The following ALMS1 variants were observed in gnomAD, a reference collection of about 807,000 sequenced individuals.
ALMS1 encodes ALMS1 centrosome and basal body associated protein.
In ALMS1, 271 loss-of-function variants were observed where a neutral mutation model predicts 352.2. The observed-to-expected ratio is 0.77, with a 90% CI of 0.70 to 0.85. ALMS1 has a LOEUF of 0.85. ALMS1 is among the 40% of genes least tolerant of loss of function. ALMS1 has a pLI of 0.00. For missense variants in ALMS1, 5,445 were observed against 4,870.7 expected (o/e 1.12, Z -3.51); for synonymous variants, 1,865 against 1,761.2 (o/e 1.06, Z -1.48).
At chr2:73,395,060 G>GTATATATA (rs755110782) in intron 1 of ALMS1, among the ~76,000 whole-genome samples, 1 of 92,708 alleles carries the variant, frequency 1.1e-5, no homozygotes, top group Admixed American at 1.1e-4. Context: ...ATATATATGT[G>GTATATATA]TATATATATA....
chr2:73,399,910 T>G (rs531356729), intron 1 of ALMS1, among the ~76,000 whole-genome samples: 24 of 152,012 alleles, frequency 1.6e-4, no homozygotes, highest in African/African-American at 5.5e-4. Flanking sequence ...TTCTAAAGCT[T>G]GTCAACATGA....
At chr2:73,434,793 T>C (rs1671575363) in intron 7 of ALMS1, among the ~76,000 whole-genome samples, 1 of 152,222 alleles carries the variant, frequency 6.6e-6, no homozygotes, top group Non-Finnish European at 1.5e-5. Flanking sequence ...ATAATTGTTA[T>C]ATATTCCTGA....
At chr2:73,565,505 ATAT>A (rs1350000677) in intron 15 of ALMS1, among the ~76,000 whole-genome samples, 4 of 152,240 alleles carry the variant, frequency 2.6e-5, no homozygotes, top group African/African-American at 9.6e-5. Context: ...ATGTATGTAG[ATAT>A]TCCACCATCA....
intron 15 of ALMS1, among the ~76,000 whole-genome samples, chr2:73,567,283 A>C (rs1014890732): frequency 7.9e-5 from 12 of 152,174 alleles, no homozygotes; most frequent in African/African-American, 2.4e-4. Flanking sequence ...GTGCAATCAG[A>C]AGTGACTTGT....
chr2:73,388,808 T>C (rs1411648227), intron 1 of ALMS1, among the ~76,000 whole-genome samples: 1 of 152,224 alleles, frequency 6.6e-6, no homozygotes, highest in Non-Finnish European at 1.5e-5. Context: ...TTTTTCTTTT[T>C]TTTTAATGGC....
rs534294116 is a variant in ALMS1, at chr2:73,445,639, C to T, written c.1433-2321C>T. Among the ~76,000 whole-genome samples, 8 of 34,552 alleles carry T rather than the reference C, an allele frequency of 2.3e-4. No individual in the cohort carries two copies. The Admixed American group carries it at 2.7e-3, about 12-fold the overall frequency. The allele number at this position is 34,552 out of a possible 152,430, so 22.7% of individuals were successfully genotyped here. A position where few individuals can be genotyped will look rare whatever the true frequency, so the allele number is the denominator to read the frequency against. Reference sequence around the variant, plus strand: ...TGGGGAAATAAAACCGTGCTGTCTTCGTCACCTAGGAAGCCTTCTGTGTTA... The same window carrying T: ...TGGGGAAATAAAACCGTGCTGTCTTTGTCACCTAGGAAGCCTTCTGTGTTA... On this transcript the variant is annotated intron_variant, in intron 7 of 22. Transcript: ENST00000613296.
chr2:73,487,890 C>T (rs949243129), intron 9 of ALMS1, among the ~76,000 whole-genome samples: 3 of 152,128 alleles, frequency 2.0e-5, no homozygotes, highest in Non-Finnish European at 2.9e-5. Context: ...CTGCATCTTT[C>T]AGCAGAGAAG....
At chr2:73,482,544 T>G (rs566981294) in intron 9 of ALMS1, among the ~76,000 whole-genome samples, 1 of 152,328 alleles carries the variant, frequency 6.6e-6, no homozygotes, top group South Asian at 2.1e-4. Flanking sequence ...ATTCTCTTTT[T>G]TTGTTGTGTC....
chr2:73,394,990 GTATA>G (rs569486570), intron 1 of ALMS1, among the ~76,000 whole-genome samples: 1 of 126,140 alleles, frequency 7.9e-6, no homozygotes, highest in Non-Finnish European at 1.6e-5. Flanking sequence ...ATATATATGT[GTATA>G]TATATATGTG....
At chr2:73,477,060 A>G (rs1280874755) in intron 9 of ALMS1, among the ~76,000 whole-genome samples, 7 of 152,124 alleles carry the variant, frequency 4.6e-5, no homozygotes, top group Non-Finnish European at 7.4e-5. Flanking sequence ...CCCATTTTCT[A>G]GGTTACCTTT....
chr2:73,467,116 A>AGT (rs1672370728), intron 9 of ALMS1, among the ~76,000 whole-genome samples: 3 of 32,370 alleles, frequency 9.3e-5, no homozygotes, highest in Non-Finnish European at 1.8e-4. Context: ...ACAAAAATAC[A>AGT]CTTCATAAAA....
At chr2:73,494,714 A>G (rs1475698384) in intron 10 of ALMS1, among the ~76,000 whole-genome samples, 2 of 152,232 alleles carry the variant, frequency 1.3e-5, no homozygotes, top group African/African-American at 2.4e-5. Context: ...CACAACAGAG[A>G]GCACATTATG....
chr2:73,460,370 G>A (rs78949182), intron 9 of ALMS1, among the ~76,000 whole-genome samples: 2 of 152,174 alleles, frequency 1.3e-5, no homozygotes, highest in African/African-American at 4.8e-5. Flanking sequence ...AGAATTGCAT[G>A]TCAGTGAAAA....
intron 16 of ALMS1, among the ~76,000 whole-genome samples, chr2:73,588,651 A>G (rs2104154022): frequency 6.6e-6 from 1 of 152,286 alleles, no homozygotes; most frequent in South Asian, 2.1e-4. Flanking sequence ...GTTTTCCTTT[A>G]TGAAGAAAAA....
Position 73,601,308 on chromosome 2 carries a change from C to T in ALMS1, c.11986C>T (p.Pro3996Ser), listed in dbSNP as rs1241274375. 8 of 1,614,088 alleles carry T rather than the reference C, an allele frequency of 5.0e-6. No individual in the cohort carries two copies. The Admixed American group carries it at 5.0e-5, about 10-fold the overall frequency. ...GTTTGAACCAATAACCAAGACCAGA[C>T]CCTGGAGGGAGCCACTGCGGGAGCA... ...SWFEPITKTRPWREPLREQNC... is the reference protein window; with the variant it reads ...SWFEPITKTRSWREPLREQNC... The change falls in exon 19 of 23, where the codon CCC becomes TCC. Residue 3996 changes from proline (P) to serine (S), a missense_variant. Transcript: ENST00000613296.
At chr2:73,502,071 T>G (rs1673230665) in intron 10 of ALMS1, among the ~76,000 whole-genome samples, 1 of 152,154 alleles carries the variant, frequency 6.6e-6, no homozygotes, top group African/African-American at 2.4e-5. Flanking sequence ...TGCTTATATA[T>G]AGAAATACTG....
At chr2:73,553,947 G>A (rs1432350171) in intron 13 of ALMS1, among the ~76,000 whole-genome samples, 3 of 152,172 alleles carry the variant, frequency 2.0e-5, no homozygotes, top group Non-Finnish European at 4.4e-5. Flanking sequence ...TATAAAGCAT[G>A]TTATTAGGAA....
intron 9 of ALMS1, among the ~76,000 whole-genome samples, chr2:73,487,595 C>T (rs936876508): frequency 2.7e-4 from 41 of 152,114 alleles, no homozygotes; most frequent in Admixed American, 1.2e-3. Context: ...ACATGGCAGG[C>T]GGGGAGGGGG....
intron 9 of ALMS1, among the ~76,000 whole-genome samples, chr2:73,476,330 G>A (rs760417438): frequency 2.0e-5 from 3 of 152,010 alleles, no homozygotes; most frequent in African/African-American, 4.8e-5. Flanking sequence ...CTGCCATTTG[G>A]CTATTGTGAA....
Sources: allele counts gnomAD v4.1 joint callset (sites outside exome capture counted in the v4.1 genomes callset), GRCh38; gene constraint gnomAD v4.1.1; transcripts MANE v1.5; gene names NCBI Gene and HGNC (gene_info 2026-07-23, HGNC 2026-07-21).